The following TASP1 variants were observed in gnomAD, a reference collection of about 807,000 sequenced individuals.
TASP1 encodes taspase 1.
TASP1 carries 16 observed loss-of-function variants against 56.6 expected under a neutral mutation model. That is an observed-to-expected ratio of 0.28 (90% CI 0.19 to 0.43). The LOEUF (loss-of-function observed/expected upper bound fraction) is 0.43, where lower values mean the gene tolerates loss of function less well. Ranked by LOEUF, TASP1 falls within the 20% of genes least tolerant of loss-of-function variation. The pLI, the probability that TASP1 is intolerant of heterozygous loss-of-function variation, is 1.00. For missense variants in TASP1, 393 were observed against 511.6 expected, an observed-to-expected ratio of 0.77 and a Z score of 2.24; for synonymous variants, 179 against 184.2, an observed-to-expected ratio of 0.97 and a Z score of 0.23.
At chr20:13,615,585 A>G (rs2048495144) in intron 4 of TASP1, among the ~76,000 whole-genome samples, 1 of 150,994 alleles carries the variant, frequency 6.6e-6, no homozygotes, top group Non-Finnish European at 1.5e-5. Flanking sequence ...GCTCACTGCA[A>G]GCTCCACCTC....
chr20:13,288,437 C>A, the TASP1 span: 1 of 1,256,266 alleles, frequency 8.0e-7, no homozygotes, highest in Non-Finnish European at 1.1e-6. Flanking sequence ...AATCCCCTCC[C>A]ACAGCGAGAA....
chr20:13,509,337 C>T (rs2044245019), intron 10 of TASP1, among the ~76,000 whole-genome samples: 1 of 151,908 alleles, frequency 6.6e-6, no homozygotes, highest in Admixed American at 6.6e-5. Context: ...AGAGTGTTTA[C>T]CAGGGTGAGG....
chr20:13,367,317 T>C, the TASP1 span, among the ~76,000 whole-genome samples: 7 of 152,228 alleles, frequency 4.6e-5, no homozygotes, highest in African/African-American at 1.7e-4. Flanking sequence ...AAACAAAATG[T>C]ATTAGTCTTT....
At chr20:13,493,950 A>C (rs1412872230) in intron 10 of TASP1, among the ~76,000 whole-genome samples, 2 of 152,188 alleles carry the variant, frequency 1.3e-5, no homozygotes, top group African/African-American at 4.8e-5. Context: ...GAGGAAAAAA[A>C]ATCAGAGGCA....
At chr20:13,264,321 G>T in the TASP1 span, among the ~76,000 whole-genome samples, 1 of 152,192 alleles carries the variant, frequency 6.6e-6, no homozygotes, top group East Asian at 1.9e-4. Flanking sequence ...TTACTGATTT[G>T]TGCCTCTTCT....
chr20:13,614,786 G>A (rs565071342), intron 4 of TASP1: 7 of 468,548 alleles, frequency 1.5e-5, no homozygotes, highest in Non-Finnish European at 3.1e-5. Context: ...ATTTGAAATA[G>A]TTTTAAACTT....
intron 11 of TASP1, among the ~76,000 whole-genome samples, chr20:13,466,351 CTTTAT>C (rs2044259353): frequency 6.6e-6 from 1 of 152,230 alleles, no homozygotes; most frequent in African/African-American, 2.4e-5. Context: ...ACTTGCACGC[CTTTAT>C]TTTGACATTG....
At chr20:13,137,779 G>A in the TASP1 span, among the ~76,000 whole-genome samples, 12 of 152,296 alleles carry the variant, frequency 7.9e-5, no homozygotes, top group East Asian at 1.7e-3. Flanking sequence ...AAGCAATCCA[G>A]GCCTTCCGTG....
At chr20:13,484,971 G>A (rs2043272360) in intron 10 of TASP1, among the ~76,000 whole-genome samples, 1 of 151,952 alleles carries the variant, frequency 6.6e-6, no homozygotes, top group South Asian at 2.1e-4. Context: ...CACACACCAG[G>A]GCCTGTCAGG....
the TASP1 span, among the ~76,000 whole-genome samples, chr20:13,214,564 G>GAGAGAGAGAGAGAGAGAGACAGAAAGAC: frequency 9.0e-6 from 1 of 111,300 alleles, no homozygotes; most frequent in African/African-American, 3.0e-5. Context: ...CACACACACA[G>GAGAGAGAGAGAGAGAGAGACAGAAAGAC]AGAGAGAGAG....
chr20:13,292,613 A>G, the TASP1 span: 1 of 630,924 alleles, frequency 1.6e-6, no homozygotes, highest in Non-Finnish European at 2.8e-6. Context: ...CTTGCTGAAT[A>G]TACTTCAAGC....
At chr20:13,433,856 A>AAAAAAAC (rs965025966) in intron 12 of TASP1, among the ~76,000 whole-genome samples, 2 of 151,714 alleles carry the variant, frequency 1.3e-5, no homozygotes, top group African/African-American at 4.8e-5. Context: ...AAAAAAAAAA[A>AAAAAAAC]AAAACAGAAG....
chr20:13,175,371 C>T, the TASP1 span, among the ~76,000 whole-genome samples: 1 of 152,160 alleles, frequency 6.6e-6, no homozygotes, highest in Non-Finnish European at 1.5e-5. Context: ...GCTGTAATAG[C>T]TAAGCTGAAA....
intron 6 of TASP1, among the ~76,000 whole-genome samples, chr20:13,577,395 C>A (rs1351425132): frequency 6.6e-6 from 1 of 152,048 alleles, no homozygotes; most frequent in Non-Finnish European, 1.5e-5. Flanking sequence ...TTAAAATGAA[C>A]ACATCATCAG....
intron 13 of TASP1, among the ~76,000 whole-genome samples, chr20:13,402,058 G>A (rs1450738268): frequency 6.6e-6 from 1 of 152,120 alleles, no homozygotes; most frequent in Non-Finnish European, 1.5e-5. Flanking sequence ...TCAAGTAATA[G>A]ATTAAAATAG....
chr20:13,271,772 T>C, the TASP1 span, among the ~76,000 whole-genome samples: 1 of 152,156 alleles, frequency 6.6e-6, no homozygotes, highest in Non-Finnish European at 1.5e-5. Flanking sequence ...CGTCCTCATA[T>C]GCCTGCTTCC....
chr20:13,445,095 C>T (rs2043357229), intron 11 of TASP1, among the ~76,000 whole-genome samples: 1 of 152,132 alleles, frequency 6.6e-6, no homozygotes, highest in African/African-American at 2.4e-5. Context: ...CACCTTATTT[C>T]AGAACAGAAA....
chr20:13,403,389 C>T (rs2041809010), intron 13 of TASP1, among the ~76,000 whole-genome samples: 1 of 152,148 alleles, frequency 6.6e-6, no homozygotes, highest in Non-Finnish European at 1.5e-5. Flanking sequence ...GCCTGTGGAG[C>T]TGTGGTGTGA....
chr20:13,403,590 C>G (rs6109858), intron 13 of TASP1, among the ~76,000 whole-genome samples: 1 of 152,056 alleles, frequency 6.6e-6, no homozygotes, highest in Non-Finnish European at 1.5e-5. Flanking sequence ...TAACTTGCCC[C>G]GGCTTATAAA....
Sources: gnomAD v4.1 joint callset for allele counts (sites outside exome capture counted in the v4.1 genomes callset) on GRCh38, gnomAD v4.1.1 for gene constraint, MANE v1.5 for transcripts, NCBI Gene and HGNC (gene_info 2026-07-23, HGNC 2026-07-21) for gene names.